DOCK2: variants seen among roughly 807,000 people sequenced by gnomAD.
DOCK2 encodes the protein dedicator of cytokinesis protein 2.
A neutral mutation model predicts 248.9 loss-of-function variants in DOCK2; 87 were observed. The observed-to-expected ratio is 0.35, with a 90% confidence interval of 0.29 to 0.42. DOCK2 has a LOEUF of 0.42. Ranked by LOEUF, DOCK2 falls within the 10% of genes least tolerant of loss-of-function variation. DOCK2 has a pLI of 1.00. For missense variants in DOCK2, 1,747 were observed against 2,300.2 expected, an observed-to-expected ratio of 0.76 and a Z score of 4.92; for synonymous variants, 805 against 821.6, an observed-to-expected ratio of 0.98 and a Z score of 0.35.
intron 22 of DOCK2, among the ~76,000 whole-genome samples, chr5:169,741,845 T>A (rs1236998723): frequency 2.7e-5 from 4 of 147,456 alleles, no homozygotes; most frequent in African/African-American, 1.0e-4. Context: ...AGTCTCGCTC[T>A]GTCTCCCAGG....
chr5:169,983,504 T>G (rs551730601), intron 28 of DOCK2, among the ~76,000 whole-genome samples: 2 of 152,342 alleles, frequency 1.3e-5, no homozygotes, highest in Middle Eastern at 3.4e-3. Context: ...TCTCACGTAG[T>G]AAGTGCTCAG....
chr5:170,018,874 C>CTTTTT lies in DOCK2; in HGVS notation c.3233-83_3233-79dup. The CTTTTT allele has an allele frequency of 5.3e-6, 8 of 1,510,084 alleles. No individual in the cohort carries two copies. In the Admixed American group the frequency reaches 6.4e-5, roughly 12 times the overall value. The allele number at this position is 1,510,084 out of a possible 1,614,324, so 93.5% of individuals were successfully genotyped here. ...CTATTGTTTTTACTATTATGCTTCCCTTTTTTTCTTTCCCCAGGCTTGGTC... is the reference window on the plus strand; with the variant it reads ...CTATTGTTTTTACTATTATGCTTCCCTTTTTTTTTTTTCTTTCCCCAGGCTTGGTC... On this transcript the variant is annotated intron_variant, in intron 32 of 51. Coordinates refer to ENST00000520908, the MANE Select transcript of DOCK2 (RefSeq NM_004946.3).
chr5:169,705,933 G>A (rs1761234129), intron 14 of DOCK2, among the ~76,000 whole-genome samples: 1 of 152,192 alleles, frequency 6.6e-6, no homozygotes, highest in Non-Finnish European at 1.5e-5. Flanking sequence ...ACCTATGAGG[G>A]GCTCTCACTG....
At chr5:169,837,681 C>A (rs1769676570) in intron 26 of DOCK2, among the ~76,000 whole-genome samples, 1 of 152,076 alleles carries the variant, frequency 6.6e-6, no homozygotes, top group South Asian at 2.1e-4. Context: ...ATTTTATAAA[C>A]AAAGAAACAG....
At chr5:169,861,296 T>TTGATTACTAG (rs1771182063) in intron 27 of DOCK2, among the ~76,000 whole-genome samples, 1 of 152,080 alleles carries the variant, frequency 6.6e-6, no homozygotes, top group Admixed American at 6.6e-5. Context: ...AGTAATGGAG[T>TTGATTACTAG]CTTAAAACCT....
rs1330236903 is a variant in DOCK2 at position 169,763,644 on chromosome 5, T to G, written c.2554+2019T>G. Among the ~76,000 whole-genome samples the G allele has an allele frequency of 6.6e-6, 1 of 152,212 alleles. No individual in the cohort carries two copies. The highest frequency in any genetic ancestry group is 1.5e-5 in the Non-Finnish European group (1 of 68,034). ...CAGGGCAGGCTGGACAGCTGCTGCT[T>G]CTCAGTCCTGCTGTGTGTCTGGGTT... is the stretch of plus-strand genomic sequence containing the variant. On this transcript the variant is annotated intron_variant, in intron 25 of 51. Transcript: ENST00000520908. This position sits in a 1 kb window ranked among gnomAD's most constrained non-coding sequence, Gnocchi z 4.1.
intron 28 of DOCK2, 78 bp from the exon 29 acceptor site, chr5:169,985,749 GC>G: frequency 1.6e-6 from 2 of 1,214,406 alleles, no homozygotes. Context: ...AAATATAATA[GC>G]AAAAAAATTT....
rs950695641 is a variant in DOCK2, at chr5:169,671,787, C to T, written c.321+613C>T. 5.6e-4 allele frequency among the ~76,000 whole-genome samples: 85 copies of T among 152,270 alleles called. 1 individual carries two copies. Among genetic ancestry groups the T allele is most frequent in the African/African-American group, 1.9e-3 (79 of 41,550 alleles). ...GCTTACTGCATGTTTATTATGGCACCGTGGACACCTGCTGGTGTATGCACA... is the reference window on the plus strand; with the variant it reads ...GCTTACTGCATGTTTATTATGGCACTGTGGACACCTGCTGGTGTATGCACA... On this transcript the variant is annotated intron_variant, in intron 5 of 51. Transcript: ENST00000520908.
intron 1 of DOCK2, 52 bp downstream of exon 1, chr5:169,637,421 C>A (rs1210013522): frequency 1.5e-6 from 2 of 1,309,156 alleles, no homozygotes; most frequent in South Asian, 2.1e-5. Context: ...GGCGGGAGAG[C>A]CGCGAGCAGG....
At chr5:169,678,527 T>C (rs577330829) in intron 6 of DOCK2, among the ~76,000 whole-genome samples, 2 of 152,282 alleles carry the variant, frequency 1.3e-5, no homozygotes, top group East Asian at 3.9e-4. Context: ...CCTGCAAAAG[T>C]GCTGGGATTA....
chr5:169,665,015 T>C (rs2113251478), intron 2 of DOCK2, among the ~76,000 whole-genome samples: 1 of 139,878 alleles, frequency 7.1e-6, no homozygotes, highest in East Asian at 2.1e-4. Context: ...AGCATATCTA[T>C]ATATGTTTAT....
At chr5:169,876,750 CTTCAT>C (rs1020402232) in intron 27 of DOCK2, among the ~76,000 whole-genome samples, 2 of 152,164 alleles carry the variant, frequency 1.3e-5, no homozygotes, top group Non-Finnish European at 2.9e-5. Flanking sequence ...TTGCTTAATC[CTTCAT>C]TTCCTCACCC....
chr5:169,944,849 C>T (rs1776382486), intron 27 of DOCK2, among the ~76,000 whole-genome samples: 2 of 152,190 alleles, frequency 1.3e-5, no homozygotes. Context: ...CTCCATCTGC[C>T]TTGTGGGCTC....
chr5:169,681,862 C>T lies in DOCK2; in HGVS notation c.589C>T (p.Arg197Cys), dbSNP rs752159034. The change falls in exon 7 of 52, where the codon CGT (arginine) becomes TGT (cysteine). Residue 197 changes from arginine (R) to cysteine (C), a missense_variant. By Grantham distance (180) the Arg-to-Cys change is radical. This residue lies in a region of DOCK2 where 375 missense variants were observed against 510.9 expected (regional missense o/e 0.73). Coordinates refer to ENST00000520908, the MANE Select transcript of DOCK2 (RefSeq NM_004946.3). The part of the protein sequence containing the change: ...HEEATDKITE[R>C]IKEEMSKDQP... ...GGAAGCAACTGATAAAATCACAGAG[C>T]GTATCAAAGAAGAAATGGTGAGCTT... 3.1e-6 allele frequency: 5 copies of T among 1,613,514 alleles called. No individual in the cohort carries two copies. Among genetic ancestry groups the T allele is most frequent in the African/African-American group, 1.3e-5 (1 of 74,900 alleles).
intron 25 of DOCK2, among the ~76,000 whole-genome samples, chr5:169,768,310 G>T (rs1212386587): frequency 6.6e-6 from 1 of 152,218 alleles, no homozygotes; most frequent in Non-Finnish European, 1.5e-5. Flanking sequence ...ACGGCTCACA[G>T]GTAGTAAGTG....
At chr5:169,942,636 A>T (rs1353645334) in intron 27 of DOCK2, among the ~76,000 whole-genome samples, 1 of 152,182 alleles carries the variant, frequency 6.6e-6, no homozygotes, top group Admixed American at 6.5e-5. Context: ...AGCAGCTCTT[A>T]TGAGTTGAGG....
chr5:169,671,934 G>A (rs1307370014), intron 5 of DOCK2, among the ~76,000 whole-genome samples: 2 of 152,082 alleles, frequency 1.3e-5, no homozygotes, highest in African/African-American at 4.8e-5. Flanking sequence ...GAAAAGTGTA[G>A]GGGAAAAATA....
At chr5:170,015,858 C>T (rs1190549674) in intron 32 of DOCK2, among the ~76,000 whole-genome samples, 1 of 137,254 alleles carries the variant, frequency 7.3e-6, no homozygotes, top group Admixed American at 7.8e-5. Flanking sequence ...TTTCTTCTTT[C>T]CCTCCCTCCC....
At chr5:169,855,553 C>A (rs1770844304) in intron 27 of DOCK2, among the ~76,000 whole-genome samples, 1 of 152,064 alleles carries the variant, frequency 6.6e-6, no homozygotes, top group Non-Finnish European at 1.5e-5. Flanking sequence ...GATATAAAAA[C>A]CAGGGAATGA....
Sources: allele counts gnomAD v4.1 joint callset (sites outside exome capture counted in the v4.1 genomes callset), GRCh38; gene constraint gnomAD v4.1.1; regional missense constraint gnomAD v4.1.1; non-coding constraint Gnocchi (gnomAD v3.1); transcripts MANE v1.5; gene names NCBI Gene and HGNC (gene_info 2026-07-23, HGNC 2026-07-21).